The following RBL1 variants were observed in gnomAD, a reference collection of about 807,000 sequenced individuals.
RBL1 encodes the protein RB transcriptional corepressor like 1, also known as retinoblastoma-like protein 1.
In RBL1, 82 loss-of-function variants were observed where a neutral mutation model predicts 123.0. That is an observed-to-expected ratio of 0.67 (90% CI 0.56 to 0.80). The LOEUF is 0.80. Among genes scored for constraint, RBL1 ranks in the 30% least tolerant of loss-of-function variants. The pLI is 0.00. For synonymous variants in RBL1, 405 were observed against 441.3 expected, an observed-to-expected ratio of 0.92 and a Z score of 1.03; for missense variants, 1,171 against 1,299.6, an observed-to-expected ratio of 0.90 and a Z score of 1.52.
chr20:37,047,362 C>A (rs1356353779), intron 11 of RBL1, among the ~76,000 whole-genome samples, 172 bp from the exon 12 acceptor site: 1 of 152,090 alleles, frequency 6.6e-6, no homozygotes, highest in African/African-American at 2.4e-5. Context: ...AATACCTATT[C>A]TTGCTCAGTG....
intron 16 of RBL1, 22 bp downstream of exon 16, chr20:37,032,642 TA>T: frequency 3.1e-6 from 5 of 1,612,226 alleles, no homozygotes; most frequent in Middle Eastern, 1.7e-4. Context: ...CAAATTCTTC[TA>T]AAGTGCTATA....
intron 2 of RBL1, among the ~76,000 whole-genome samples, chr20:37,070,141 C>T (rs559008826): frequency 6.6e-6 from 1 of 151,864 alleles, no homozygotes; most frequent in Non-Finnish European, 1.5e-5. Flanking sequence ...CTTCTTCTGC[C>T]GTGGGATCCT....
At chr20:37,009,240 T>C (rs1209000774) in intron 19 of RBL1, among the ~76,000 whole-genome samples, 1 of 152,104 alleles carries the variant, frequency 6.6e-6, no homozygotes, top group Non-Finnish European at 1.5e-5. Context: ...GAAAGGCTGG[T>C]CTCGAACTCC....
chr20:37,045,069 C>G (rs1382904905), intron 12 of RBL1, among the ~76,000 whole-genome samples: 2 of 146,342 alleles, frequency 1.4e-5, no homozygotes, highest in Admixed American at 1.4e-4. Flanking sequence ...CTTTAATATT[C>G]ACATTTATTT....
intron 11 of RBL1, 70 bp from the exon 12 acceptor site, chr20:37,047,260 C>T (rs1345152096): frequency 6.6e-7 from 1 of 1,509,686 alleles, no homozygotes; most frequent in Non-Finnish European, 8.8e-7. Flanking sequence ...CATAAAGAAA[C>T]CTATAAAAAC....
chr20:37,013,288 C>T (rs1335006724), intron 19 of RBL1, among the ~76,000 whole-genome samples: 1 of 151,872 alleles, frequency 6.6e-6, no homozygotes, highest in East Asian at 1.9e-4. Flanking sequence ...TGTGACCTTA[C>T]CCCCAACCCT....
At chr20:37,009,029 C>T (rs1193284606) in intron 19 of RBL1, among the ~76,000 whole-genome samples, 7 of 146,266 alleles carry the variant, frequency 4.8e-5, no homozygotes, top group African/African-American at 1.7e-4. Context: ...CCCCAAAACA[C>T]TTTTTTTTTT....
chr20:37,075,945 G>T (rs911672466), intron 2 of RBL1, among the ~76,000 whole-genome samples: 2 of 152,176 alleles, frequency 1.3e-5, no homozygotes, highest in African/African-American at 4.8e-5. Flanking sequence ...TAAGTAATAT[G>T]CACAAGCACA....
chr20:37,076,783 T>A (rs1408656807), intron 2 of RBL1, among the ~76,000 whole-genome samples: 5 of 152,178 alleles, frequency 3.3e-5, no homozygotes, highest in Admixed American at 6.6e-5. Flanking sequence ...CTTCTATCAC[T>A]TTAACAGCTG....
At chr20:37,045,971 A>C (rs530415959) in intron 12 of RBL1, among the ~76,000 whole-genome samples, 1 of 152,364 alleles carries the variant, frequency 6.6e-6, no homozygotes, top group South Asian at 2.1e-4. Flanking sequence ...GTTCGATACT[A>C]TGTAACATTA....
At chr20:37,011,854 GACTCCCTCTCCC>G (rs2064153297) in intron 19 of RBL1, among the ~76,000 whole-genome samples, 3 of 152,096 alleles carry the variant, frequency 2.0e-5, no homozygotes, top group African/African-American at 4.8e-5. Flanking sequence ...TAAAATATTT[GACTCCCTCTCCC>G]ACTCCCTCTC....
rs777921975 is a variant in RBL1, at chr20:37,068,027, T to C, written c.450A>G (p.Pro150=). 7 of 1,613,832 alleles carry C rather than the reference T, an allele frequency of 4.3e-6. No homozygotes were observed. The Admixed American group carries it at 5.0e-5, about 12-fold the overall frequency. ...EPIFLDIFQN[P]YEEPPKLPRS... is the part of the protein sequence containing the mutation. ...GTGGTAACTTTGGTGGTTCTTCATA[T>C]GGATTTTGAAATATATCTAAAAAAA... Residue 150 remains proline (P), a synonymous_variant, in exon 3 of 22, where the codon CCA becomes CCG. Transcript: ENST00000373664.
chr20:37,041,294 G>A (rs982725187), intron 13 of RBL1, among the ~76,000 whole-genome samples: 1 of 152,008 alleles, frequency 6.6e-6, no homozygotes, highest in Non-Finnish European at 1.5e-5. Context: ...ACAACTCTGG[G>A]CACACATTTT....
intron 2 of RBL1, among the ~76,000 whole-genome samples, chr20:37,083,199 G>A (rs1446370813): frequency 6.6e-6 from 1 of 152,082 alleles, no homozygotes; most frequent in Non-Finnish European, 1.5e-5. Flanking sequence ...TGGGCGCGGT[G>A]GCTCATGCCT....
chr20:37,069,083 G>C (rs865820362), intron 2 of RBL1, among the ~76,000 whole-genome samples: 1 of 152,254 alleles, frequency 6.6e-6, no homozygotes, highest in African/African-American at 2.4e-5. Context: ...CAAGTGATCC[G>C]CCAGCCTCGG....
At chr20:37,002,336 GTTTTTT>G (rs965408801) in intron 21 of RBL1, among the ~76,000 whole-genome samples, 11,925 of 76,038 alleles carry the variant, frequency 0.16, 605 homozygotes, top group African/African-American at 0.17. Context: ...AGCCTTATCT[GTTTTTT>G]TTTTTTTTTT....
chr20:37,095,449 A>C (rs974265083), intron 1 of RBL1, among the ~76,000 whole-genome samples: 5 of 152,060 alleles, frequency 3.3e-5, no homozygotes, highest in Admixed American at 2.6e-4. Context: ...TTTTCACTTT[A>C]CCATTATATT....
chr20:37,095,786 T>G lies in RBL1; in HGVS notation c.143A>C (p.Asn48Thr). ...GCTGCCGCTCACCTCTAGGCTGTAG[T>G]TGCCTCGGATGGCAGTAAAGTCGTC... ...ALDDFTAIRG[N>T]YSLEGEVTHW... The change falls in exon 1 of 22, where the codon AAC (asparagine) becomes ACC (threonine). Residue 48 changes from asparagine (N) to threonine (T), a missense_variant. Asn to Thr is a moderately conservative substitution (Grantham distance 65, BLOSUM62 0). Transcript: ENST00000373664. 6.2e-7 allele frequency: 1 copy of G among 1,609,026 alleles called. No homozygotes were observed. Among genetic ancestry groups the G allele is most frequent in the Non-Finnish European group, 8.5e-7 (1 of 1,177,974 alleles).
At chr20:37,036,298 G>A (rs1952718986) in intron 14 of RBL1, among the ~76,000 whole-genome samples, 2 of 152,144 alleles carry the variant, frequency 1.3e-5, no homozygotes, top group South Asian at 4.1e-4. Flanking sequence ...TTATTTATGA[G>A]ATGGAGTCTT....
Sources: allele counts gnomAD v4.1 joint callset (sites outside exome capture counted in the v4.1 genomes callset), GRCh38; gene constraint gnomAD v4.1.1; transcripts MANE v1.5; gene names NCBI Gene and HGNC (gene_info 2026-07-23, HGNC 2026-07-21).